Variants in EYA1 observed in about 807,000 individuals in gnomAD.
EYA1 encodes EYA transcriptional coactivator and phosphatase 1, also known as protein phosphatase EYA1.
Under a neutral mutation model 82.0 loss-of-function variants are expected in EYA1, and 16 were observed. The observed-to-expected ratio is 0.20, with a 90% CI of 0.13 to 0.30. EYA1 has a LOEUF of 0.30. Ranked by LOEUF, EYA1 falls within the 10% of genes least tolerant of loss-of-function variation. The pLI is 1.00. For missense variants in EYA1, 633 were observed against 730.7 expected, an observed-to-expected ratio of 0.87 and a Z score of 1.54; for synonymous variants, 261 against 264.4, an observed-to-expected ratio of 0.99 and a Z score of 0.12.
At chr8:71,381,841 C>T (rs1828721828) in intron 2 of EYA1, among the ~76,000 whole-genome samples, 1 of 152,170 alleles carries the variant, frequency 6.6e-6, no homozygotes, top group South Asian at 2.1e-4. Context: ...TTCAGTGTAT[C>T]ATTTGGGGAT....
chr8:71,205,284 A>G (rs572886545), intron 17 of EYA1, among the ~76,000 whole-genome samples: 6 of 152,290 alleles, frequency 3.9e-5, no homozygotes, highest in African/African-American at 1.4e-4. Flanking sequence ...GGCCACTTTT[A>G]CTACTCTAGA....
chr8:71,247,541 T>C, intron 11 of EYA1, among the ~76,000 whole-genome samples: 1 of 152,224 alleles, frequency 6.6e-6, no homozygotes, highest in Non-Finnish European at 1.5e-5. Context: ...TCATACTCCT[T>C]AGCATTCTGA....
At chr8:71,443,150 T>C (rs1307429620) in intron 2 of EYA1, among the ~76,000 whole-genome samples, 1 of 152,154 alleles carries the variant, frequency 6.6e-6, no homozygotes, top group Non-Finnish European at 1.5e-5. Flanking sequence ...GACAGAAAGA[T>C]AATGATGAAT....
rs1227853944 is a variant in EYA1, at chr8:71,410,517, C to G, written c.34-54006G>C. On this transcript the variant is annotated intron_variant, in intron 2 of 18. Coordinates refer to the EYA1 transcript ENST00000643681. Reference sequence around the variant, plus strand: ...CCCAAAATCTCCTTAAGCTGATAAGCAACTTCAGCAAAGTCTCAGGATACA... The same window carrying G: ...CCCAAAATCTCCTTAAGCTGATAAGGAACTTCAGCAAAGTCTCAGGATACA... Among the ~76,000 whole-genome samples the G allele has an allele frequency of 4.9e-4, 56 of 113,650 alleles. 2 individuals are homozygous for G. Among genetic ancestry groups the G allele is most frequent in the Non-Finnish European group, 9.0e-4 (47 of 52,274 alleles). The allele number at this position is 113,650 out of a possible 152,430, so 74.6% of individuals were successfully genotyped here.
chr8:71,303,666 T>G (rs1319380188), intron 7 of EYA1, among the ~76,000 whole-genome samples: 1 of 140,822 alleles, frequency 7.1e-6, no homozygotes, highest in African/African-American at 2.5e-5. Context: ...GTACTCCAAA[T>G]GGCACCCAAG....
At chr8:71,299,542 G>A in intron 8 of EYA1, 96 bp downstream of exon 8, 3 of 823,560 alleles carry the variant, frequency 3.6e-6, no homozygotes. Flanking sequence ...AAAGCCTTAG[G>A]AAAGCTCTCA....
intron 11 of EYA1, among the ~76,000 whole-genome samples, chr8:71,254,578 C>A (rs796072771): frequency 2.0e-4 from 30 of 152,156 alleles, no homozygotes; most frequent in African/African-American, 7.2e-4. Context: ...AATTACCCAG[C>A]AAAATAAAGC....
intron 2 of EYA1, among the ~76,000 whole-genome samples, chr8:71,418,926 G>A (rs1441732552): frequency 6.6e-6 from 1 of 152,126 alleles, no homozygotes; most frequent in African/African-American, 2.4e-5. Flanking sequence ...GAGATATCTG[G>A]GGGAGAGCAC....
At chr8:71,306,490 CA>C in intron 7 of EYA1, among the ~76,000 whole-genome samples, 1 of 152,026 alleles carries the variant, frequency 6.6e-6, no homozygotes, top group Non-Finnish European at 1.5e-5. Flanking sequence ...TGCAAGGATA[CA>C]AATGTTTATC....
At chr8:71,242,707 G>C (rs1812620060) in intron 12 of EYA1, among the ~76,000 whole-genome samples, 1 of 150,510 alleles carries the variant, frequency 6.6e-6, no homozygotes, top group South Asian at 2.1e-4. Context: ...ATTATAACAA[G>C]TTATGACTGC....
chr8:71,215,305 A>G, intron 16 of EYA1, 82 bp downstream of exon 16: 1 of 1,420,720 alleles, frequency 7.0e-7, no homozygotes, highest in Non-Finnish European at 9.9e-7. Flanking sequence ...ATTCTGGAAA[A>G]AAAGTTTCAT....
chr8:71,210,915 G>A (rs898833870), intron 17 of EYA1, among the ~76,000 whole-genome samples: 5 of 152,242 alleles, frequency 3.3e-5, no homozygotes, highest in African/African-American at 1.2e-4. Context: ...CAACACTTCA[G>A]TTCTGCTCCC....
intron 12 of EYA1, among the ~76,000 whole-genome samples, chr8:71,229,207 T>C (rs549561504): frequency 5.9e-5 from 9 of 152,072 alleles, no homozygotes; most frequent in Non-Finnish European, 8.8e-5. Context: ...CTTGCTGGAA[T>C]GCCTTCTCTC....
intron 1 of EYA1, among the ~76,000 whole-genome samples, chr8:71,536,662 C>G (rs1484288417): frequency 6.6e-6 from 1 of 152,224 alleles, no homozygotes; most frequent in African/African-American, 2.4e-5. Flanking sequence ...CTCACATAAA[C>G]ACTAATGCAG....
chr8:71,237,741 A>C (rs1812017149), intron 12 of EYA1, among the ~76,000 whole-genome samples: 1 of 152,236 alleles, frequency 6.6e-6, no homozygotes, highest in Admixed American at 6.5e-5. Context: ...AGAAATTAGC[A>C]GTGAATATAT....
chr8:71,380,441 G>A lies in EYA1; in HGVS notation c.34-23930C>T, dbSNP rs376327304. Among the ~76,000 whole-genome samples the A allele has an allele frequency of 5.3e-5, 8 of 152,092 alleles. No homozygotes were observed. The East Asian group carries it at 1.5e-3, about 29-fold the overall frequency. ...AATGTTCATGGACCTGGGTATGTCT[G>A]ACTTTCCACCACGCATGCCATCTAG... On this transcript the variant is annotated intron_variant, in intron 2 of 18. Coordinates refer to the EYA1 transcript ENST00000643681.
At chr8:71,305,650 T>TAAAC (rs764837540) in intron 7 of EYA1, among the ~76,000 whole-genome samples, 2 of 71,212 alleles carry the variant, frequency 2.8e-5, no homozygotes, top group African/African-American at 4.9e-5. Context: ...CTATCTCAAA[T>TAAAC]AAATAAATAA....
intron 1 of EYA1, among the ~76,000 whole-genome samples, chr8:71,542,679 T>G (rs1563721176): frequency 6.6e-6 from 1 of 152,206 alleles, no homozygotes; most frequent in African/African-American, 2.4e-5. Context: ...TATTCCCACC[T>G]ACAGAGTATA....
At chr8:71,386,763 G>T (rs552379862) in intron 2 of EYA1, among the ~76,000 whole-genome samples, 2 of 152,322 alleles carry the variant, frequency 1.3e-5, no homozygotes, top group African/African-American at 2.4e-5. Flanking sequence ...GGAAGAAATT[G>T]CTTGCTCATG....
Sources: allele counts gnomAD v4.1 joint callset (sites outside exome capture counted in the v4.1 genomes callset), GRCh38; gene constraint gnomAD v4.1.1; transcripts MANE v1.5; gene names NCBI Gene and HGNC (gene_info 2026-07-23, HGNC 2026-07-21).